IL1RAPL1: variants seen among roughly 807,000 people sequenced by gnomAD.
IL1RAPL1 encodes the protein interleukin 1 receptor accessory protein like 1.
A neutral mutation model predicts 48.4 loss-of-function variants in IL1RAPL1; 3 were observed. The ratio of observed to expected loss-of-function variants is 0.06; its 90% CI spans 0.03 to 0.16. The LOEUF (loss-of-function observed/expected upper bound fraction) is 0.16. IL1RAPL1 is among the 10% of genes least tolerant of loss of function. The pLI, the probability that IL1RAPL1 is intolerant of heterozygous loss-of-function variation, is 1.00. For missense variants in IL1RAPL1, 349 were observed against 530.6 expected, an observed-to-expected ratio of 0.66 and a Z score of 3.36; for synonymous variants, 185 against 187.7, an observed-to-expected ratio of 0.99 and a Z score of 0.12.
intron 6 of IL1RAPL1, among the ~76,000 whole-genome samples, chrX:29,904,711 T>C (rs1932572406): frequency 8.9e-6 from 1 of 112,177 alleles, no homozygotes; most frequent in African/African-American, 3.2e-5. Context: ...TCATTCCTTT[T>C]TTATGGCTGC....
intron 7 of IL1RAPL1, among the ~76,000 whole-genome samples, chrX:29,918,568 A>T (rs1314434727): frequency 1.1e-4 from 12 of 110,099 alleles, no homozygotes; most frequent in South Asian, 3.9e-4. Flanking sequence ...ACTCAAGCAA[A>T]CACAATCTCT....
intron 5 of IL1RAPL1, among the ~76,000 whole-genome samples, chrX:29,440,049 G>T (rs763483695): frequency 2.8e-5 from 3 of 106,277 alleles, no homozygotes; most frequent in African/African-American, 6.8e-5. Context: ...ATCTGCATTT[G>T]TCATCAATTT....
At chrX:29,367,157 T>C (rs1933473609) in intron 3 of IL1RAPL1, among the ~76,000 whole-genome samples, 1 of 111,770 alleles carries the variant, frequency 8.9e-6, no homozygotes, top group African/African-American at 3.3e-5. Context: ...CCCCTGCAAT[T>C]CCCTGTTGTA....
chrX:29,563,375 T>C (rs1173472239), intron 5 of IL1RAPL1, among the ~76,000 whole-genome samples: 1 of 112,174 alleles, frequency 8.9e-6, no homozygotes, highest in Non-Finnish European at 1.9e-5. Context: ...CACTTTTATG[T>C]TAATAAAGGG....
chrX:29,372,381 T>C (rs755120642), intron 3 of IL1RAPL1, among the ~76,000 whole-genome samples: 1 of 112,194 alleles, frequency 8.9e-6, no homozygotes, highest in Admixed American at 9.5e-5. Flanking sequence ...CTGTTCACTC[T>C]GTTGATAGTT....
chrX:28,708,501 G>T (rs1041590975), intron 1 of IL1RAPL1, among the ~76,000 whole-genome samples: 17 of 111,372 alleles, frequency 1.5e-4, no homozygotes, highest in Admixed American at 3.8e-4. Flanking sequence ...TATATCAAAG[G>T]GATACCTGTA....
chrX:29,355,586 T>C (rs1183430303), intron 3 of IL1RAPL1, among the ~76,000 whole-genome samples: 1 of 112,329 alleles, frequency 8.9e-6, no homozygotes, highest in African/African-American at 3.2e-5. Context: ...GGTGTGATGA[T>C]TAAAGTAAAA....
chrX:29,741,706 A>G (rs191421780), intron 6 of IL1RAPL1, among the ~76,000 whole-genome samples: 155 of 109,208 alleles, frequency 1.4e-3, no homozygotes, highest in Non-Finnish European at 2.4e-3. Flanking sequence ...GGATCATCTC[A>G]GGTCAGGAGT....
intron 1 of IL1RAPL1, among the ~76,000 whole-genome samples, chrX:28,649,666 G>C (rs968224481): frequency 8.9e-6 from 1 of 112,451 alleles, no homozygotes; most frequent in African/African-American, 3.2e-5. Context: ...GGGAAATGCT[G>C]TATTAAGCAG....
chrX:28,918,010 A>G (rs1923528499), intron 2 of IL1RAPL1, among the ~76,000 whole-genome samples: 2 of 112,331 alleles, frequency 1.8e-5, no homozygotes, highest in African/African-American at 3.2e-5. Context: ...CATCTGCCTG[A>G]GGGCACTGTA....
chrX:29,045,439 C>G (rs780578303), intron 2 of IL1RAPL1, among the ~76,000 whole-genome samples: 20 of 111,774 alleles, frequency 1.8e-4, no homozygotes, highest in African/African-American at 5.5e-4. Context: ...TATTAGGTTT[C>G]TTTTCATCGT....
At chrX:29,135,766 C>G (rs1036082225) in intron 2 of IL1RAPL1, among the ~76,000 whole-genome samples, 2 of 111,859 alleles carry the variant, frequency 1.8e-5, no homozygotes, top group African/African-American at 6.5e-5. Flanking sequence ...CAGGGTTTCA[C>G]TCCCGTCACC....
chrX:29,462,663 T>C (rs1483349602), intron 5 of IL1RAPL1, among the ~76,000 whole-genome samples: 2 of 111,541 alleles, frequency 1.8e-5, no homozygotes, highest in African/African-American at 6.5e-5. Flanking sequence ...TGGTGAAGAC[T>C]AGCCACAATG....
At chrX:29,148,116 G>A (rs76487240) in intron 2 of IL1RAPL1, among the ~76,000 whole-genome samples, 5,973 of 111,342 alleles carry the variant, frequency 0.054, 172 homozygotes, top group African/African-American at 0.11. Flanking sequence ...TATTGTATGT[G>A]TATGTAAAGT....
intron 6 of IL1RAPL1, among the ~76,000 whole-genome samples, chrX:29,810,992 T>C (rs1199175640): frequency 9.0e-6 from 1 of 111,548 alleles, no homozygotes; most frequent in Non-Finnish European, 1.9e-5. Context: ...CCCAAGACTT[T>C]GTTAGAATCT....
intron 6 of IL1RAPL1, among the ~76,000 whole-genome samples, chrX:29,749,641 C>T (rs1928412081): frequency 8.9e-6 from 1 of 111,977 alleles, no homozygotes; most frequent in Non-Finnish European, 1.9e-5. Context: ...AAATTTCAAT[C>T]AGAAGGGATC....
chrX:29,721,852 A>C (rs936309472), intron 6 of IL1RAPL1, among the ~76,000 whole-genome samples: 5 of 112,199 alleles, frequency 4.5e-5, no homozygotes, highest in African/African-American at 1.6e-4. Context: ...TATGAAATTA[A>C]AAATATCTTT....
intron 2 of IL1RAPL1, among the ~76,000 whole-genome samples, chrX:28,951,544 T>G (rs894702667): frequency 9.0e-6 from 1 of 111,181 alleles, no homozygotes. Flanking sequence ...TTGTGAATAT[T>G]AAAAATATAG....
At chrX:28,817,154 T>G in intron 2 of IL1RAPL1, among the ~76,000 whole-genome samples, 1 of 111,072 alleles carries the variant, frequency 9.0e-6, no homozygotes, top group Non-Finnish European at 1.9e-5. Flanking sequence ...CTGGAATTAT[T>G]GTGATGGTAA....
Sources: gnomAD v4.1 joint callset for allele counts (sites outside exome capture counted in the v4.1 genomes callset) on GRCh38, gnomAD v4.1.1 for gene constraint, MANE v1.5 for transcripts, NCBI Gene and HGNC (gene_info 2026-07-23, HGNC 2026-07-21) for gene names.